STARD13: variants seen among roughly 807,000 people sequenced by gnomAD.
STARD13 encodes stAR-related lipid transfer protein 13.
In STARD13, 62 loss-of-function variants were observed where a neutral mutation model predicts 106.4. The ratio of observed to expected loss-of-function variants is 0.58; its 90% confidence interval spans 0.48 to 0.72. STARD13 has a LOEUF of 0.72. Ranked by LOEUF, STARD13 falls within the 30% of genes least tolerant of loss-of-function variation. The pLI is 0.00. For missense variants in STARD13, 1,387 were observed against 1,424.0 expected (o/e 0.97, Z 0.42); for synonymous variants, 565 against 553.0 (o/e 1.02, Z -0.31).
rs1254523867 is a variant in STARD13 at position 33,234,476 on chromosome 13, G to A, written c.169+50994C>T. Among the ~76,000 whole-genome samples, 5 of 152,244 alleles carry A rather than the reference G, an allele frequency of 3.3e-5. No homozygotes were observed. The East Asian group carries it at 7.7e-4, about 23-fold the overall frequency. On this transcript the variant is annotated intron_variant, in intron 1 of 13. Coordinates refer to ENST00000336934, the MANE Select transcript of STARD13 (RefSeq NM_178006.4). ...ACTGACATTCCCCTTGCACAAGGCCGCAACTGGCCATGGAGTTCTCATTAG... is the reference window on the plus strand; with the variant it reads ...ACTGACATTCCCCTTGCACAAGGCCACAACTGGCCATGGAGTTCTCATTAG...
chr13:33,284,121 A>C (rs923713164), intron 1 of STARD13, among the ~76,000 whole-genome samples: 1 of 152,198 alleles, frequency 6.6e-6, no homozygotes, highest in Admixed American at 6.5e-5. Context: ...ATCTAGCCAC[A>C]GGGAAATAAT....
At chr13:33,358,290 G>A in the STARD13 span, among the ~76,000 whole-genome samples, 14 of 152,288 alleles carry the variant, frequency 9.2e-5, no homozygotes, top group East Asian at 1.9e-3. Context: ...TGTGCAGCCC[G>A]AGCCTCCCCG....
chr13:33,381,038 G>A, the STARD13 span, among the ~76,000 whole-genome samples: 3 of 152,144 alleles, frequency 2.0e-5, no homozygotes, highest in Admixed American at 1.3e-4. Context: ...ATCACTGACT[G>A]ACTTTTTTCT....
chr13:33,408,523 A>G, the STARD13 span, among the ~76,000 whole-genome samples: 1 of 152,210 alleles, frequency 6.6e-6, no homozygotes, highest in African/African-American at 2.4e-5. Context: ...CATTGTTTGT[A>G]TACACCACAT....
chr13:33,130,084 A>G lies in STARD13; in HGVS notation c.593T>C (p.Ile198Thr), dbSNP rs776843151. ...GCTGCCTCCACTGCTTTCGCTGTGA[A>G]TGGAGCAGACCTCAGGCTCGCTCAG... ...TDLSEPEVCS[I>T]HSESSGGSDS... Residue 198 changes from isoleucine (I) to threonine (T), a missense_variant, in exon 5 of 14, where the codon ATT (isoleucine) becomes ACT (threonine). By Grantham distance (89) the Ile-to-Thr change is moderately conservative (BLOSUM62 -1). Transcript: ENST00000336934. This position sits in a 1 kb window ranked among gnomAD's most constrained non-coding sequence, Gnocchi z 4.1. The G allele has an allele frequency of 3.7e-6, 6 of 1,613,958 alleles. No homozygotes were observed. The highest frequency in any genetic ancestry group is 5.1e-6 in the Non-Finnish European group (6 of 1,179,962).
At chr13:33,251,861 A>AATGTAATGTAATGCTACTTACATT (rs1214807419) in intron 1 of STARD13, among the ~76,000 whole-genome samples, 1 of 152,244 alleles carries the variant, frequency 6.6e-6, no homozygotes, top group African/African-American at 2.4e-5. Context: ...TACTTACATT[A>AATGTAATGTAATGCTACTTACATT]AATGAGTAAC....
the STARD13 span, among the ~76,000 whole-genome samples, chr13:33,611,916 C>A: frequency 6.6e-6 from 1 of 152,118 alleles, no homozygotes; most frequent in Non-Finnish European, 1.5e-5. Flanking sequence ...TAATTTGTGT[C>A]TTGAGGGAAA....
chr13:33,506,523 G>A, the STARD13 span, among the ~76,000 whole-genome samples: 1 of 152,154 alleles, frequency 6.6e-6, no homozygotes, highest in Non-Finnish European at 1.5e-5. Flanking sequence ...TCTGAAAATG[G>A]TGTTGATCCA....
intron 1 of STARD13, among the ~76,000 whole-genome samples, chr13:33,312,622 T>C (rs532737001): frequency 2.0e-5 from 3 of 152,342 alleles, no homozygotes; most frequent in African/African-American, 2.4e-5. Context: ...TACTTTCTAA[T>C]ATATATTATA....
At chr13:33,464,619 G>C in the STARD13 span, among the ~76,000 whole-genome samples, 3 of 152,234 alleles carry the variant, frequency 2.0e-5, no homozygotes, top group South Asian at 4.1e-4. Context: ...GGAGGCCGAG[G>C]GGGGCAGATC....
At chr13:33,362,454 A>G in the STARD13 span, among the ~76,000 whole-genome samples, 1 of 152,216 alleles carries the variant, frequency 6.6e-6, no homozygotes, top group East Asian at 1.9e-4. Flanking sequence ...AACCATATCA[A>G]TAAGGGAAAA....
chr13:33,610,326 C>T, the STARD13 span, among the ~76,000 whole-genome samples: 1 of 152,164 alleles, frequency 6.6e-6, no homozygotes, highest in Non-Finnish European at 1.5e-5. Flanking sequence ...GAAAAAAAAG[C>T]AAGTTGTTTC....
At chr13:33,314,042 G>C (rs143405396) in intron 1 of STARD13, among the ~76,000 whole-genome samples, 2 of 152,236 alleles carry the variant, frequency 1.3e-5, no homozygotes, top group African/African-American at 4.8e-5. Flanking sequence ...CATGCCATCT[G>C]TAACTGCCAT....
chr13:33,650,391 C>A, the STARD13 span, among the ~76,000 whole-genome samples: 1 of 150,748 alleles, frequency 6.6e-6, no homozygotes, highest in African/African-American at 2.4e-5. Context: ...GGGGTTTCAC[C>A]GTTTTAGCCG....
the STARD13 span, among the ~76,000 whole-genome samples, chr13:33,386,614 G>C: frequency 6.6e-6 from 1 of 152,144 alleles, no homozygotes; most frequent in Non-Finnish European, 1.5e-5. Flanking sequence ...ACTGCCATTA[G>C]TAGGAGGGGT....
At chr13:33,623,712 T>C in the STARD13 span, among the ~76,000 whole-genome samples, 2 of 151,896 alleles carry the variant, frequency 1.3e-5, no homozygotes, top group African/African-American at 2.4e-5. Context: ...TACATCTACA[T>C]ATTTAATTTA....
chr13:33,538,533 A>G, the STARD13 span, among the ~76,000 whole-genome samples: 2 of 152,212 alleles, frequency 1.3e-5, no homozygotes, highest in African/African-American at 4.8e-5. Context: ...TCACTTCCAT[A>G]TTAGATTAAG....
the STARD13 span, among the ~76,000 whole-genome samples, chr13:33,504,024 T>A: frequency 1.2e-4 from 19 of 152,294 alleles, no homozygotes; most frequent in African/African-American, 4.3e-4. Context: ...TCACTGGTCA[T>A]CACAGAAATG....
At chr13:33,350,344 T>C in exon 1 of STARD13, 1 of 1,534,538 alleles carries the variant, frequency 6.5e-7, no homozygotes, top group East Asian at 2.4e-5. Context: ...GCTCTGGCCG[T>C]GGAGTCCCGC....
Sources: allele counts gnomAD v4.1 joint callset (sites outside exome capture counted in the v4.1 genomes callset), GRCh38; gene constraint gnomAD v4.1.1; non-coding constraint Gnocchi (gnomAD v3.1); transcripts MANE v1.5; gene names NCBI Gene and HGNC (gene_info 2026-07-23, HGNC 2026-07-21).